Variants in FHIP2A observed in about 807,000 individuals in gnomAD.
FHIP2A encodes the protein FHF complex subunit HOOK interacting protein 2A.
FHIP2A carries 46 observed loss-of-function variants against 93.5 expected under a neutral mutation model. That is an observed-to-expected ratio of 0.49 (90% CI 0.39 to 0.63). The LOEUF (loss-of-function observed/expected upper bound fraction) is 0.63. FHIP2A is among the 20% of genes least tolerant of loss of function. The probability of loss-of-function intolerance (pLI) is 0.00; values close to 1 mark genes in which losing one functional copy is unlikely to be tolerated. For synonymous variants in FHIP2A, 332 were observed against 326.5 expected, an observed-to-expected ratio of 1.02 and a Z score of -0.18; for missense variants, 769 against 909.7, an observed-to-expected ratio of 0.85 and a Z score of 1.99.
chr10:114,879,611 G>A (rs1296066255), intron 16 of FHIP2A, among the ~76,000 whole-genome samples: 2 of 152,114 alleles, frequency 1.3e-5, no homozygotes, highest in East Asian at 1.9e-4. Context: ...AATAACAGAC[G>A]ATTGCTCAAA....
At chr10:114,856,033 A>G (rs1445093155) in intron 14 of FHIP2A, among the ~76,000 whole-genome samples, 1 of 152,208 alleles carries the variant, frequency 6.6e-6, no homozygotes, top group Non-Finnish European at 1.5e-5. Flanking sequence ...CAACTAGCAT[A>G]GTACTTTCCT....
intron 16 of FHIP2A, among the ~76,000 whole-genome samples, chr10:114,885,082 G>T (rs943610521): frequency 1.3e-5 from 2 of 151,766 alleles, no homozygotes; most frequent in African/African-American, 2.4e-5. Context: ...CCACCTTCCT[G>T]GGGGAGAAAA....
At chr10:114,834,835 G>A (rs548781475) in intron 3 of FHIP2A, among the ~76,000 whole-genome samples, 1 of 151,966 alleles carries the variant, frequency 6.6e-6, no homozygotes, top group East Asian at 1.9e-4. Context: ...AACTGTGTAG[G>A]TCCACATATA....
chr10:114,896,681 C>T (rs550076355), intron 16 of FHIP2A, among the ~76,000 whole-genome samples: 8 of 152,292 alleles, frequency 5.3e-5, no homozygotes, highest in African/African-American at 7.2e-5. Context: ...CTTTCCAGAC[C>T]GAACCAATGT....
intron 1 of FHIP2A, among the ~76,000 whole-genome samples, chr10:114,827,603 C>G (rs1433687743): frequency 1.3e-5 from 2 of 152,234 alleles, no homozygotes; most frequent in East Asian, 3.9e-4. Flanking sequence ...CGAGACCATC[C>G]TGGCTAACAC....
intron 12 of FHIP2A, 62 bp from the exon 13 acceptor site, chr10:114,848,585 T>A: frequency 2.0e-6 from 2 of 983,378 alleles, no homozygotes; most frequent in Non-Finnish European, 3.2e-6. Context: ...TCACTTCTAC[T>A]TTTTCCTTTT....
chr10:114,899,061 AAC>A (rs2084014456), intron 16 of FHIP2A, among the ~76,000 whole-genome samples: 1 of 152,246 alleles, frequency 6.6e-6, no homozygotes, highest in Non-Finnish European at 1.5e-5. Context: ...GAGGATGGAC[AAC>A]CACATGCTGA....
At chr10:114,860,728 C>G (rs762994088) in intron 14 of FHIP2A, 21 bp from the exon 15 acceptor site, 58 of 1,554,040 alleles carry the variant, frequency 3.7e-5, no homozygotes, top group Middle Eastern at 1.7e-4. Flanking sequence ...AAATGTCTTT[C>G]TGTTTTTTAT....
At chr10:114,888,815 C>T (rs2083955973) in intron 16 of FHIP2A, among the ~76,000 whole-genome samples, 2 of 152,090 alleles carry the variant, frequency 1.3e-5, no homozygotes, top group South Asian at 4.1e-4. Flanking sequence ...GTTGGCCAGG[C>T]TGATCTTGAA....
downstream of FHIP2A, among the ~76,000 whole-genome samples, chr10:114,867,166 G>A (rs779730461): frequency 2.0e-5 from 3 of 149,204 alleles, no homozygotes; most frequent in South Asian, 2.1e-4. Flanking sequence ...CAGAGATCAC[G>A]CCACTGCACT....
chr10:114,870,368 A>G (rs902737327), intron 16 of FHIP2A, among the ~76,000 whole-genome samples: 3 of 146,720 alleles, frequency 2.0e-5, no homozygotes, highest in African/African-American at 7.5e-5. Flanking sequence ...CCTCTTAACA[A>G]TGATTTTAAA....
At chr10:114,890,684 T>G (rs908459498) in intron 16 of FHIP2A, among the ~76,000 whole-genome samples, 1 of 147,814 alleles carries the variant, frequency 6.8e-6, no homozygotes, top group Non-Finnish European at 1.5e-5. Flanking sequence ...GTATATGACA[T>G]ATAGTATATA....
chr10:114,822,274 G>T (rs1425332094), intron 1 of FHIP2A, 151 bp downstream of exon 1: 1 of 249,734 alleles, frequency 4.0e-6, no homozygotes, highest in East Asian at 1.3e-4. Flanking sequence ...CGCCCTGGGC[G>T]GCCGCCGGGT....
downstream of FHIP2A, among the ~76,000 whole-genome samples, chr10:114,865,574 G>A (rs151304034): frequency 4.6e-5 from 7 of 152,248 alleles, no homozygotes; most frequent in East Asian, 1.2e-3. Context: ...TTTAGACATT[G>A]AAGAGTTGAA....
intron 10 of FHIP2A, 53 bp downstream of exon 10, chr10:114,846,420 T>G: frequency 2.0e-6 from 3 of 1,514,196 alleles, no homozygotes; most frequent in Non-Finnish European, 2.7e-6. Flanking sequence ...AATACGGTTT[T>G]AATGTATTAT....
chr10:114,898,902 A>G (rs2084013635), intron 16 of FHIP2A, among the ~76,000 whole-genome samples: 1 of 152,168 alleles, frequency 6.6e-6, no homozygotes, highest in Non-Finnish European at 1.5e-5. Context: ...TGAATCACTG[A>G]TGCTAAGATT....
chr10:114,888,562 AG>A (rs2083954388), intron 16 of FHIP2A, among the ~76,000 whole-genome samples: 1 of 152,180 alleles, frequency 6.6e-6, no homozygotes, highest in Admixed American at 6.5e-5. Context: ...AGCTTAAGTA[AG>A]CACCTCCAGA....
At chr10:114,859,883 AG>A (rs939251044) in intron 14 of FHIP2A, among the ~76,000 whole-genome samples, 1 of 152,152 alleles carries the variant, frequency 6.6e-6, no homozygotes, top group African/African-American at 2.4e-5. Context: ...ATCCACTTTG[AG>A]GCATAGGGTC....
At chr10:114,842,790 AAGTC>A (rs2083676404) in intron 5 of FHIP2A, 139 bp from the exon 6 acceptor site, 2 of 614,130 alleles carry the variant, frequency 3.3e-6, no homozygotes, top group Non-Finnish European at 5.8e-6. Flanking sequence ...AGTTTGTTAA[AAGTC>A]AGAATATTTT....
Sources: allele counts gnomAD v4.1 joint callset (sites outside exome capture counted in the v4.1 genomes callset), GRCh38; gene constraint gnomAD v4.1.1; transcripts MANE v1.5; gene names NCBI Gene and HGNC (gene_info 2026-07-23, HGNC 2026-07-21).